RAB27B: variants seen among roughly 807,000 people sequenced by gnomAD.
RAB27B encodes the protein RAB27B, member RAS oncogene family, also known as ras-related protein Rab-27B.
RAB27B carries 15 observed loss-of-function variants against 24.6 expected under a neutral mutation model. The ratio of observed to expected loss-of-function variants is 0.61; its 90% CI spans 0.41 to 0.94. RAB27B has a LOEUF of 0.94. Among genes scored for constraint, RAB27B ranks in the 40% least tolerant of loss-of-function variants. RAB27B has a pLI of 0.00. For missense variants in RAB27B, 261 were observed against 266.8 expected, an observed-to-expected ratio of 0.98 and a Z score of 0.15; for synonymous variants, 105 against 92.5, an observed-to-expected ratio of 1.14 and a Z score of -0.78.
chr18:54,804,903 TC>T (rs1909730758), intron 2 of RAB27B, among the ~76,000 whole-genome samples: 1 of 24,826 alleles, frequency 4.0e-5, no homozygotes. Flanking sequence ...TCTTTCTCTC[TC>T]TCTTTCTTTC....
intron 4 of RAB27B, among the ~76,000 whole-genome samples, chr18:54,886,121 C>A (rs61569704): frequency 0.038 from 5,775 of 152,054 alleles, 375 homozygotes; most frequent in African/African-American, 0.13. Flanking sequence ...ACTTCTACAC[C>A]CACTTCAAGT....
rs937721690 is a variant in RAB27B, at chr18:54,884,240, A to G, written c.240-93A>G. On this transcript the variant is annotated intron_variant, in intron 3 of 5. Coordinates refer to ENST00000262094, the MANE Select transcript of RAB27B (RefSeq NM_004163.4). ...GATATTCCATAAGGGCCAGTCACGGAGAATTCATACCTGAAAGGGAAACTG... is the reference window on the plus strand; with the variant it reads ...GATATTCCATAAGGGCCAGTCACGGGGAATTCATACCTGAAAGGGAAACTG... 3.3e-5 allele frequency: 25 copies of G among 747,860 alleles called. No individual in the cohort carries two copies. In the African/African-American group the frequency reaches 4.0e-4, roughly 12 times the overall value. 46.3% of individuals were successfully genotyped at this position (747,860 alleles called of 1,614,324 possible).
At chr18:54,828,093 G>C (rs3764512), upstream of RAB27B, 3 of 151,776 alleles carry the variant, frequency 2.0e-5, no homozygotes, top group Non-Finnish European at 4.4e-5. Context: ...TTTATTTCCC[G>C]AGGCCATCCT....
intron 2 of RAB27B, among the ~76,000 whole-genome samples, chr18:54,786,555 T>A (rs1305019405): frequency 6.6e-6 from 1 of 152,224 alleles, no homozygotes; most frequent in Non-Finnish European, 1.5e-5. Context: ...TAAATAGCAT[T>A]TAACTCTAGA....
intron 2 of RAB27B, among the ~76,000 whole-genome samples, chr18:54,770,242 C>A (rs1012041022): frequency 2.0e-5 from 3 of 152,188 alleles, no homozygotes; most frequent in African/African-American, 7.2e-5. Context: ...GGCCACATAG[C>A]AGGAGGTGAG....
chr18:54,872,801 T>G (rs1912530386), intron 1 of RAB27B, among the ~76,000 whole-genome samples: 1 of 152,182 alleles, frequency 6.6e-6, no homozygotes, highest in South Asian at 2.1e-4. Flanking sequence ...TCATTAATCA[T>G]GACATTTGCA....
At chr18:54,815,496 C>CCT (rs1312178482) in intron 2 of RAB27B, among the ~76,000 whole-genome samples, 11 of 152,218 alleles carry the variant, frequency 7.2e-5, no homozygotes, top group African/African-American at 2.6e-4. Flanking sequence ...GTCTCAAATC[C>CCT]CTCTGCCTCT....
chr18:54,808,174 T>C (rs980977590), intron 2 of RAB27B, among the ~76,000 whole-genome samples: 2 of 152,214 alleles, frequency 1.3e-5, no homozygotes, highest in African/African-American at 4.8e-5. Context: ...ATCCTCTAGA[T>C]AGGCCCAGTG....
intron 1 of RAB27B, among the ~76,000 whole-genome samples, chr18:54,829,788 A>T (rs1038140766): frequency 6.6e-6 from 1 of 152,200 alleles, no homozygotes; most frequent in African/African-American, 2.4e-5. Flanking sequence ...TGCAGTGATG[A>T]AGAGAGAGAC....
At position 54,783,481 on chromosome 18, in the gene RAB27B, T is replaced by TGTGTGTG. The variant is rs1908980504; in HGVS notation, c.-20+65340_-20+65341insGTGTGTG. Reference sequence around the variant, plus strand: ...AATGTTAATTATGAAGCCTATGGCTTTGTGTGTGTGTGTGTGTGTGTGTGT... The same window carrying TGTGTGTG: ...AATGTTAATTATGAAGCCTATGGCTTGTGTGTGTGTGTGTGTGTGTGTGTGTGTGTGT... On this transcript the variant is annotated intron_variant, in intron 2 of 4. Coordinates refer to the RAB27B transcript ENST00000586570. Among the ~76,000 whole-genome samples the TGTGTGTG allele has an allele frequency of 4.1e-3, 614 of 149,784 alleles. 4 individuals carry two copies. The highest frequency in any genetic ancestry group is 0.015 in the African/African-American group (594 of 40,804).
At chr18:54,756,750 G>T (rs1908017000) in intron 2 of RAB27B, among the ~76,000 whole-genome samples, 1 of 152,090 alleles carries the variant, frequency 6.6e-6, no homozygotes, top group Non-Finnish European at 1.5e-5. Flanking sequence ...GTAGAAGAAG[G>T]CATGAAGCAT....
chr18:54,888,154 A>G (rs1235465859), intron 5 of RAB27B, 36 bp downstream of exon 5: 1 of 1,608,042 alleles, frequency 6.2e-7, no homozygotes, highest in Non-Finnish European at 8.5e-7. Context: ...TGTGACTTGC[A>G]CACTGCTGTT....
chr18:54,808,095 A>T (rs932980942), intron 2 of RAB27B, among the ~76,000 whole-genome samples: 1 of 152,226 alleles, frequency 6.6e-6, no homozygotes, highest in African/African-American at 2.4e-5. Flanking sequence ...AACTAGTTAC[A>T]TATTATATAA....
At chr18:54,746,863 C>A (rs1266251330) in intron 2 of RAB27B, among the ~76,000 whole-genome samples, 2 of 152,104 alleles carry the variant, frequency 1.3e-5, no homozygotes, top group African/African-American at 4.8e-5. Flanking sequence ...TGTATACTTG[C>A]ATTTCATAAT....
At chr18:54,849,828 G>T (rs1490227335) in intron 1 of RAB27B, among the ~76,000 whole-genome samples, 1 of 152,072 alleles carries the variant, frequency 6.6e-6, no homozygotes, top group Non-Finnish European at 1.5e-5. Context: ...AAAGGAAACT[G>T]AATAGACCTC....
chr18:54,830,394 C>G (rs956654467), intron 1 of RAB27B, among the ~76,000 whole-genome samples: 1 of 152,210 alleles, frequency 6.6e-6, no homozygotes, highest in Non-Finnish European at 1.5e-5. Flanking sequence ...ATCAGTACGG[C>G]ATGAAATATA....
chr18:54,884,192 T>C, intron 3 of RAB27B, 141 bp from the exon 4 acceptor site: 1 of 544,992 alleles, frequency 1.8e-6, no homozygotes, highest in South Asian at 2.4e-5. Flanking sequence ...GCAATTTCTC[T>C]GCCCACATTC....
intron 2 of RAB27B, among the ~76,000 whole-genome samples, chr18:54,784,198 C>T (rs1861190142): frequency 6.6e-6 from 1 of 152,114 alleles, no homozygotes; most frequent in Non-Finnish European, 1.5e-5. Flanking sequence ...GCTTCCGATC[C>T]CCAGTTGTAG....
At chr18:54,854,913 G>T (rs1357914602) in intron 1 of RAB27B, among the ~76,000 whole-genome samples, 1 of 152,168 alleles carries the variant, frequency 6.6e-6, no homozygotes, top group Admixed American at 6.5e-5. Flanking sequence ...CACAGACTGG[G>T]ATTGGGGGAT....
Sources: gnomAD v4.1 joint callset for allele counts (sites outside exome capture counted in the v4.1 genomes callset) on GRCh38, gnomAD v4.1.1 for gene constraint, MANE v1.5 for transcripts, NCBI Gene and HGNC (gene_info 2026-07-23, HGNC 2026-07-21) for gene names.